Variants in IPCEF1 observed in about 807,000 individuals in gnomAD.
IPCEF1 encodes the protein interaction protein for cytohesin exchange factors 1, also known as interactor protein for cytohesin exchange factors 1.
In IPCEF1, 31 loss-of-function variants were observed where a neutral mutation model predicts 50.9. The observed-to-expected ratio is 0.61, with a 90% CI of 0.46 to 0.82. The LOEUF is 0.82. Ranked by LOEUF, IPCEF1 falls within the 40% of genes least tolerant of loss-of-function variation. The probability of loss-of-function intolerance (pLI) is 0.00; values close to 1 mark genes in which losing one functional copy is unlikely to be tolerated. For synonymous variants in IPCEF1, 181 were observed against 192.0 expected, an observed-to-expected ratio of 0.94 and a Z score of 0.47; for missense variants, 458 against 514.0, an observed-to-expected ratio of 0.89 and a Z score of 1.05.
intron 3 of IPCEF1, among the ~76,000 whole-genome samples, chr6:154,256,782 T>C (rs1359208473): frequency 6.6e-6 from 1 of 152,192 alleles, no homozygotes. Flanking sequence ...AATGACTTTA[T>C]GATAGTACAA....
chr6:154,330,441 A>T (rs576918422), intron 1 of IPCEF1, among the ~76,000 whole-genome samples: 2 of 149,404 alleles, frequency 1.3e-5, no homozygotes, highest in East Asian at 4.0e-4. Flanking sequence ...GACTCAAGCA[A>T]TTCTCCCACC....
chr6:154,317,323 G>C (rs1288630542), intron 1 of IPCEF1, among the ~76,000 whole-genome samples: 1 of 151,960 alleles, frequency 6.6e-6, no homozygotes, highest in Non-Finnish European at 1.5e-5. Flanking sequence ...GCCGAGGTGG[G>C]TGGATCACGA....
At chr6:154,285,079 G>C (rs1457969851) in intron 2 of IPCEF1, among the ~76,000 whole-genome samples, 1 of 152,180 alleles carries the variant, frequency 6.6e-6, no homozygotes, top group Non-Finnish European at 1.5e-5. Context: ...AAGAGCTCCT[G>C]TGCCTCATTA....
chr6:154,211,192 GGATCA>G (rs1237971099), intron 9 of IPCEF1, among the ~76,000 whole-genome samples: 1 of 151,996 alleles, frequency 6.6e-6, no homozygotes, highest in Non-Finnish European at 1.5e-5. Context: ...CGAGGCAGGC[GGATCA>G]TGAGGTCAGG....
At chr6:154,344,810 T>A (rs1401505049) in intron 1 of IPCEF1, among the ~76,000 whole-genome samples, 2 of 152,202 alleles carry the variant, frequency 1.3e-5, no homozygotes, top group Non-Finnish European at 2.9e-5. Context: ...TCCTGGATCA[T>A]GCTCTCTCTA....
intron 10 of IPCEF1, among the ~76,000 whole-genome samples, chr6:154,179,280 C>T (rs1398851848): frequency 6.6e-6 from 1 of 152,204 alleles, no homozygotes; most frequent in Non-Finnish European, 1.5e-5. Context: ...TCAAACCTTT[C>T]TGGCTACCCT....
chr6:154,271,298 G>C (rs998949786), intron 2 of IPCEF1, among the ~76,000 whole-genome samples: 3 of 151,616 alleles, frequency 2.0e-5, no homozygotes, highest in Non-Finnish European at 4.4e-5. Flanking sequence ...GGAGGTCAAG[G>C]TTGGTATGAT....
chr6:154,285,189 A>C (rs12663284), intron 2 of IPCEF1, among the ~76,000 whole-genome samples: 10,604 of 152,218 alleles, frequency 0.07, 571 homozygotes, highest in South Asian at 0.23. Context: ...CTTTTTTAAC[A>C]ATTTGGCTGG....
intron 1 of IPCEF1, among the ~76,000 whole-genome samples, chr6:154,325,859 A>T (rs940968738): frequency 6.6e-6 from 1 of 152,198 alleles, no homozygotes; most frequent in African/African-American, 2.4e-5. Context: ...TAATTTGAAC[A>T]GGCCTTGACA....
intron 3 of IPCEF1, among the ~76,000 whole-genome samples, chr6:154,256,940 C>T (rs183335045): frequency 1.2e-4 from 18 of 152,148 alleles, no homozygotes; most frequent in South Asian, 4.2e-4. Context: ...TGATTTTGCC[C>T]GGTGGTGGGC....
At chr6:154,339,437 ATTT>A (rs201885601) in intron 1 of IPCEF1, among the ~76,000 whole-genome samples, 2 of 143,298 alleles carry the variant, frequency 1.4e-5, no homozygotes, top group African/African-American at 5.1e-5. Flanking sequence ...TTAATCTTTA[ATTT>A]TTTTTTTTTT....
chr6:154,262,403 T>C (rs1781623538), intron 3 of IPCEF1, among the ~76,000 whole-genome samples: 1 of 152,246 alleles, frequency 6.6e-6, no homozygotes, highest in Admixed American at 6.5e-5. Context: ...GTTATACTTG[T>C]AGATGTAGAG....
intron 1 of IPCEF1, among the ~76,000 whole-genome samples, chr6:154,342,477 A>G (rs186787271): frequency 2.6e-4 from 39 of 152,282 alleles, no homozygotes; most frequent in Admixed American, 2.2e-3. Flanking sequence ...GATGGAGAGC[A>G]GTGGCATGAT....
At chr6:154,247,510 A>G (rs1435055632) in intron 3 of IPCEF1, 22 bp from the exon 4 acceptor site, 3 of 1,607,916 alleles carry the variant, frequency 1.9e-6, no homozygotes, top group East Asian at 2.2e-5. Flanking sequence ...GGAAGGAAAG[A>G]AAAGAGGAAA....
intron 1 of IPCEF1, among the ~76,000 whole-genome samples, chr6:154,354,972 A>C (rs1784189332): frequency 6.6e-6 from 1 of 151,196 alleles, no homozygotes; most frequent in South Asian, 2.1e-4. Context: ...TAAGGCTAAA[A>C]AGCTTATTTT....
chr6:154,262,826 G>C (rs963169541), intron 3 of IPCEF1, among the ~76,000 whole-genome samples: 3 of 133,534 alleles, frequency 2.2e-5, no homozygotes, highest in African/African-American at 5.6e-5. Context: ...CACCAGGCTG[G>C]AGTGCAGTGA....
At chr6:154,324,082 A>C (rs773030695) in intron 1 of IPCEF1, among the ~76,000 whole-genome samples, 8 of 152,192 alleles carry the variant, frequency 5.3e-5, no homozygotes, top group Non-Finnish European at 1.2e-4. Flanking sequence ...TAAGTTTGAA[A>C]TTTTTCATAA....
chr6:154,208,088 C>T (rs1253651724), intron 9 of IPCEF1, among the ~76,000 whole-genome samples: 1 of 151,498 alleles, frequency 6.6e-6, no homozygotes, highest in Non-Finnish European at 1.5e-5. Context: ...AGATTGGGGG[C>T]TCCATTTGAA....
Position 154,159,323 on chromosome 6 carries a change from A to T in IPCEF1, c.*505T>A, listed in dbSNP as rs1007076673. Reference sequence around the variant, plus strand: ...CCACCATTCCATACCAAAGGCAAGGAATTTTTGTTCTGCAACACCACGTTT... The same window carrying T: ...CCACCATTCCATACCAAAGGCAAGGTATTTTTGTTCTGCAACACCACGTTT... On this transcript the variant is annotated 3_prime_UTR_variant, in exon 12 of 12. Transcript: ENST00000367220. 4 of 162,034 alleles carry T rather than the reference A, an allele frequency of 2.5e-5. No homozygotes were observed. The highest frequency in any genetic ancestry group is 9.6e-5 in the African/African-American group (4 of 41,484). 10.0% of individuals were successfully genotyped at this position (162,034 alleles called of 1,614,324 possible).
Sources: allele counts gnomAD v4.1 joint callset (sites outside exome capture counted in the v4.1 genomes callset), GRCh38; gene constraint gnomAD v4.1.1; transcripts MANE v1.5; gene names NCBI Gene and HGNC (gene_info 2026-07-23, HGNC 2026-07-21).